Variants in BCL11B observed in about 807,000 individuals in gnomAD.
The protein encoded by BCL11B is B-cell lymphoma/leukemia 11B.
A neutral mutation model predicts 49.9 loss-of-function variants in BCL11B; 8 were observed. That is an observed-to-expected ratio of 0.16 (90% CI 0.09 to 0.29). The LOEUF is 0.29. BCL11B is among the 10% of genes least tolerant of loss of function. BCL11B has a pLI of 1.00. For missense variants in BCL11B, 1,006 were observed against 1,351.0 expected (o/e 0.74, Z 4.00); for synonymous variants, 739 against 637.4 (o/e 1.16, Z -2.40).
intron 2 of BCL11B, among the ~76,000 whole-genome samples, chr14:99,253,251 C>T (rs928000707): frequency 6.6e-6 from 1 of 152,212 alleles, no homozygotes; most frequent in African/African-American, 2.4e-5. Flanking sequence ...CCTCAGAGTG[C>T]ACCGCCAGCA....
Position 99,175,449 on chromosome 14 carries a change from C to T in BCL11B, c.1387G>A (p.Ala463Thr), listed in dbSNP as rs2139759037. 1 of 1,611,288 alleles carries T rather than the reference C, an allele frequency of 6.2e-7. No individual in the cohort carries two copies. The highest frequency in any genetic ancestry group is 8.5e-7 in the Non-Finnish European group (1 of 1,178,742). Residue 463 changes from alanine to threonine, a missense_variant, in exon 4 of 4, where the codon GCG (alanine) becomes ACG (threonine). By Grantham distance (58) the Ala-to-Thr change is moderately conservative (BLOSUM62 0). Transcript: ENST00000357195. ...KPYKCQLCDH[A>T]CSQASKLKRH... ...TTGAGCTTGCTGGCCTGCGAGCACG[C>T]GTGGTCGCACAGCTGGCACTTGTAG...
chr14:99,181,111 C>T (rs1886687187), intron 3 of BCL11B, among the ~76,000 whole-genome samples: 1 of 152,098 alleles, frequency 6.6e-6, no homozygotes, highest in Non-Finnish European at 1.5e-5. Context: ...CTCCTAAGGC[C>T]AAGTGATACC....
chr14:99,211,542 GCA>G (rs893793990), intron 3 of BCL11B, among the ~76,000 whole-genome samples: 9 of 152,192 alleles, frequency 5.9e-5, no homozygotes, highest in East Asian at 1.9e-4. Flanking sequence ...GCACTCGTGT[GCA>G]CACAGACATA....
chr14:99,171,210 T>C lies in BCL11B; in HGVS notation c.*2941A>G, dbSNP rs1241915186. ...GAAGCCCAACACGAACGGTTCTCTGTGTAGGCCAATTCCGACAAAAAATAT... is the reference window on the plus strand; with the variant it reads ...GAAGCCCAACACGAACGGTTCTCTGCGTAGGCCAATTCCGACAAAAAATAT... On this transcript the variant is annotated 3_prime_UTR_variant, in exon 4 of 4. Coordinates refer to ENST00000357195, the MANE Select transcript of BCL11B (RefSeq NM_138576.4). 1 of 228,862 alleles carries C rather than the reference T, an allele frequency of 4.4e-6. No individual in the cohort carries two copies. Among genetic ancestry groups the C allele is most frequent in the Non-Finnish European group, 8.7e-6 (1 of 115,104 alleles). The allele number at this position is 228,862 out of a possible 1,614,324, so 14.2% of individuals were successfully genotyped here.
chr14:99,191,242 G>A lies in BCL11B; in HGVS notation c.641-15047C>T, dbSNP rs1455352049. On this transcript the variant is annotated intron_variant, in intron 3 of 3. Transcript: ENST00000357195. ...CTTTGGGGTGCTACTGGCATCTAGT[G>A]GGGAGAGGCCAGGGATGCCACTGCA... Among the ~76,000 whole-genome samples the A allele has an allele frequency of 2.0e-5, 3 of 152,088 alleles. No individual in the cohort carries two copies. The South Asian group carries it at 6.2e-4, about 32-fold the overall frequency.
chr14:99,271,515 CAAA>C lies in BCL11B; in HGVS notation c.-300_-298del. On this transcript the variant is annotated 5_prime_UTR_variant, in exon 1 of 4. Coordinates refer to ENST00000357195, the MANE Select transcript of BCL11B (RefSeq NM_138576.4). ...CTCGATCTAAAATAAGAAAAAGAGGCAAAAAAAAAAAAAACTGCTGTTGCTTTC... is the reference window on the plus strand; with the variant it reads ...CTCGATCTAAAATAAGAAAAAGAGGCAAAAAAAAAAACTGCTGTTGCTTTC... 3 of 173,496 alleles carry C rather than the reference CAAA, an allele frequency of 1.7e-5. No homozygotes were observed. Among genetic ancestry groups the C allele is most frequent in the African/African-American group, 2.6e-5 (1 of 38,446 alleles). 10.7% of individuals were successfully genotyped at this position (173,496 alleles called of 1,614,324 possible).
chr14:99,172,162 C>T lies in BCL11B; in HGVS notation c.*1989G>A, dbSNP rs1015397817. 2.3e-5 allele frequency: 5 copies of T among 221,716 alleles called. No homozygotes were observed. Among genetic ancestry groups the T allele is most frequent in the Non-Finnish European group, 3.6e-5 (4 of 110,710 alleles). 13.7% of individuals were successfully genotyped at this position (221,716 alleles called of 1,614,324 possible). On this transcript the variant is annotated 3_prime_UTR_variant, in exon 4 of 4. Coordinates refer to ENST00000357195, the MANE Select transcript of BCL11B (RefSeq NM_138576.4). ...TAAATTTAACTTTAGAAAAAATTAG[C>T]CGTTGTTCCTGAATTGTTTTTGTTT...
At position 99,169,783 on chromosome 14, in the gene BCL11B, G is replaced by C. The variant is rs999119224; in HGVS notation, c.*4368C>G. On this transcript the variant is annotated 3_prime_UTR_variant, in exon 4 of 4. Coordinates refer to ENST00000357195, the MANE Select transcript of BCL11B (RefSeq NM_138576.4). Reference sequence around the variant, plus strand: ...AGACCTTCGGCTGACGGTTACTTAGGACCGGGATGAAAGGCTGATTTCCTT... The same window carrying C: ...AGACCTTCGGCTGACGGTTACTTAGCACCGGGATGAAAGGCTGATTTCCTT... 3 of 225,702 alleles carry C rather than the reference G, an allele frequency of 1.3e-5. No homozygotes were observed. Among genetic ancestry groups the C allele is most frequent in the Non-Finnish European group, 2.7e-5 (3 of 113,088 alleles). 14.0% of individuals were successfully genotyped at this position (225,702 alleles called of 1,614,324 possible).
intron 2 of BCL11B, among the ~76,000 whole-genome samples, chr14:99,234,149 G>C (rs1387104355): frequency 2.0e-5 from 3 of 152,114 alleles, no homozygotes; most frequent in Admixed American, 2.0e-4. Flanking sequence ...CCAGGGGCTG[G>C]GGGGAGCCAG....
intron 3 of BCL11B, among the ~76,000 whole-genome samples, chr14:99,212,376 G>A (rs1887712944): frequency 6.6e-6 from 1 of 152,164 alleles, no homozygotes; most frequent in African/African-American, 2.4e-5. Context: ...AACACTGCAG[G>A]AAACTGAGGC....
chr14:99,205,667 G>A lies in BCL11B; in HGVS notation c.640+25678C>T, dbSNP rs764916648. Among the ~76,000 whole-genome samples the A allele has an allele frequency of 1.3e-5, 2 of 152,110 alleles. No individual in the cohort carries two copies. The highest frequency in any genetic ancestry group is 2.9e-5 in the Non-Finnish European group (2 of 68,026). ...CCTACCCCCCAGCTTTGTGGAATGA[G>A]GTCAGGAATATGTAAATAAACAAAC... is the stretch of plus-strand genomic sequence containing the variant. On this transcript the variant is annotated intron_variant, in intron 3 of 3. Coordinates refer to ENST00000357195, the MANE Select transcript of BCL11B (RefSeq NM_138576.4). This position sits in a 1 kb window ranked among gnomAD's most constrained non-coding sequence, Gnocchi z 5.0.
intron 3 of BCL11B, among the ~76,000 whole-genome samples, chr14:99,187,579 C>T (rs1886890667): frequency 6.7e-6 from 1 of 148,342 alleles, no homozygotes; most frequent in Admixed American, 6.8e-5. Flanking sequence ...AGGAATTTTG[C>T]AGAGAATGTG....
At chr14:99,251,027 G>A (rs1423513608) in intron 2 of BCL11B, among the ~76,000 whole-genome samples, 1 of 152,158 alleles carries the variant, frequency 6.6e-6, no homozygotes, top group Non-Finnish European at 1.5e-5. Context: ...CCGCCTCCCT[G>A]GAAGGCCAGT....
chr14:99,253,280 A>G (rs1889060741), intron 2 of BCL11B, among the ~76,000 whole-genome samples: 2 of 152,228 alleles, frequency 1.3e-5, no homozygotes, highest in Non-Finnish European at 2.9e-5. Flanking sequence ...CTCAAGGGAC[A>G]GTCACCTAAC....
intron 3 of BCL11B, among the ~76,000 whole-genome samples, chr14:99,219,868 T>C (rs1289418670): frequency 1.3e-5 from 2 of 150,374 alleles, no homozygotes; most frequent in African/African-American, 2.4e-5. Flanking sequence ...TGGGCAACCA[T>C]TTCCAAGACA....
At chr14:99,224,219 A>G (rs1361855459) in intron 3 of BCL11B, among the ~76,000 whole-genome samples, 2 of 152,202 alleles carry the variant, frequency 1.3e-5, no homozygotes, top group Non-Finnish European at 1.5e-5. Flanking sequence ...AGCTCCAAGT[A>G]CAGCTGGGAG....
In BCL11B at chr14:99,174,655, C is replaced by T. The variant is rs769448442; in HGVS notation, c.2181G>A (p.Leu727=). 1.3e-6 allele frequency: 2 copies of T among 1,579,554 alleles called. No individual in the cohort carries two copies. Among genetic ancestry groups the T allele is most frequent in the Non-Finnish European group, 1.7e-6 (2 of 1,166,076 alleles). The change falls in exon 4 of 4, where the codon CTG becomes CTA. Residue 727 remains leucine (L), a synonymous_variant. Transcript: ENST00000357195. ...ASRHFMKDPF[L]GFTDARQSPF... is the part of the protein sequence containing the mutation. ...GCGACTGTCGTGCGTCCGTGAAGCC[C>T]AGGAAGGGGTCCTTCATGAAGTGCC...
chr14:99,208,009 C>T (rs558559768), intron 3 of BCL11B, among the ~76,000 whole-genome samples: 5 of 152,320 alleles, frequency 3.3e-5, no homozygotes, highest in Middle Eastern at 3.4e-3. Flanking sequence ...AGATGCACCA[C>T]GCCCAGCACA....
At chr14:99,233,125 C>T (rs1410906712) in intron 2 of BCL11B, among the ~76,000 whole-genome samples, 1 of 152,300 alleles carries the variant, frequency 6.6e-6, no homozygotes, top group Non-Finnish European at 1.5e-5. Context: ...CAAGGAAGGT[C>T]AGGACCTGCC....
Sources: gnomAD v4.1 joint callset for allele counts (sites outside exome capture counted in the v4.1 genomes callset) on GRCh38, gnomAD v4.1.1 for gene constraint, Gnocchi (gnomAD v3.1) non-coding constraint, MANE v1.5 for transcripts, NCBI Gene and HGNC (gene_info 2026-07-23, HGNC 2026-07-21) for gene names.